Variants in TMTC2 observed in about 807,000 individuals in gnomAD.
TMTC2 encodes the protein transmembrane O-mannosyltransferase targeting cadherins 2.
A neutral mutation model predicts 82.4 loss-of-function variants in TMTC2; 43 were observed. The ratio of observed to expected loss-of-function variants is 0.52; its 90% CI spans 0.41 to 0.67. TMTC2 has a LOEUF of 0.67. Ranked by LOEUF, TMTC2 falls within the 30% of genes least tolerant of loss-of-function variation. The pLI is 0.00. For synonymous variants in TMTC2, 408 were observed against 381.9 expected, an observed-to-expected ratio of 1.07 and a Z score of -0.80; for missense variants, 919 against 1,012.4, an observed-to-expected ratio of 0.91 and a Z score of 1.25.
chr12:82,777,262 T>C (rs1194582466), intron 1 of TMTC2, among the ~76,000 whole-genome samples: 1 of 152,146 alleles, frequency 6.6e-6, no homozygotes, highest in Admixed American at 6.5e-5. Flanking sequence ...GGCATGAACT[T>C]GGACTCTTTT....
chr12:83,131,293 A>G (rs1193477089), intron 11 of TMTC2, among the ~76,000 whole-genome samples: 1 of 152,192 alleles, frequency 6.6e-6, no homozygotes. Flanking sequence ...AGCAAGCAAA[A>G]TATATTTTCC....
At chr12:83,018,512 T>C (rs1308903589) in intron 8 of TMTC2, among the ~76,000 whole-genome samples, 1 of 152,186 alleles carries the variant, frequency 6.6e-6, no homozygotes, top group African/African-American at 2.4e-5. Flanking sequence ...TAATAGCTAA[T>C]ATTTCAGGGT....
chr12:82,800,623 C>T (rs764348809), intron 1 of TMTC2, among the ~76,000 whole-genome samples: 10 of 152,232 alleles, frequency 6.6e-5, no homozygotes, highest in Non-Finnish European at 4.4e-5. Context: ...TAACATCCTC[C>T]CACCACCAAA....
intron 2 of TMTC2, among the ~76,000 whole-genome samples, chr12:82,886,111 T>G (rs1873086442): frequency 6.6e-6 from 1 of 152,218 alleles, no homozygotes; most frequent in African/African-American, 2.4e-5. Flanking sequence ...TTCTTCCAGC[T>G]TTGGCCATTG....
chr12:83,020,322 C>T (rs12320751), intron 8 of TMTC2, among the ~76,000 whole-genome samples: 11,749 of 152,192 alleles, frequency 0.077, 658 homozygotes, highest in East Asian at 0.29. Context: ...TCAATGAATA[C>T]ATTTAATGTA....
chr12:83,039,230 G>A (rs1455464724), intron 9 of TMTC2, among the ~76,000 whole-genome samples: 3 of 151,992 alleles, frequency 2.0e-5, no homozygotes, highest in African/African-American at 7.2e-5. Context: ...ACCACGCCTG[G>A]CCAAGAACAA....
rs114012959 is a variant in TMTC2 at position 83,080,550 on chromosome 12, A to G, written c.2331+18719A>G. 7.9e-3 allele frequency among the ~76,000 whole-genome samples: 1,207 copies of G among 152,292 alleles called. 17 individuals carry two copies. Among genetic ancestry groups the G allele is most frequent in the African/African-American group, 0.027 (1,127 of 41,550 alleles). On this transcript the variant is annotated intron_variant, in intron 11 of 11. Transcript: ENST00000321196. ...AACATTAAAAGTCTCCCCAGTTTTT[A>G]TAGATGGAGAAACAGGTAATGCAGT... is the stretch of plus-strand genomic sequence containing the variant.
intron 11 of TMTC2, among the ~76,000 whole-genome samples, chr12:83,121,986 G>T (rs976648739): frequency 6.6e-6 from 1 of 152,076 alleles, no homozygotes; most frequent in Admixed American, 6.5e-5. Context: ...TGAAGGGCCG[G>T]TCTGACTCCC....
At chr12:82,841,896 A>G (rs991444004) in intron 1 of TMTC2, among the ~76,000 whole-genome samples, 2 of 152,244 alleles carry the variant, frequency 1.3e-5, no homozygotes, top group African/African-American at 4.8e-5. Flanking sequence ...CCTTAGTGTT[A>G]AAAGAAGACT....
chr12:83,016,317 GC>G (rs1255765593), intron 8 of TMTC2, among the ~76,000 whole-genome samples: 3 of 152,126 alleles, frequency 2.0e-5, no homozygotes, highest in Non-Finnish European at 4.4e-5. Flanking sequence ...TGACTAGATA[GC>G]CCTTTGCTTT....
intron 4 of TMTC2, among the ~76,000 whole-genome samples, chr12:82,934,922 G>A (rs768275449): frequency 3.3e-5 from 5 of 152,014 alleles, no homozygotes; most frequent in East Asian, 1.9e-4. Context: ...TGTAACTGGC[G>A]TGAGATGGTA....
chr12:83,089,840 C>CA (rs1381824863), intron 11 of TMTC2, among the ~76,000 whole-genome samples: 4,945 of 139,692 alleles, frequency 0.035, 90 homozygotes, highest in Admixed American at 0.07. Flanking sequence ...AAACAAAAAA[C>CA]AAAAAACAAA....
chr12:82,952,580 C>T (rs1239381673), intron 4 of TMTC2, among the ~76,000 whole-genome samples: 1 of 152,080 alleles, frequency 6.6e-6, no homozygotes, highest in East Asian at 1.9e-4. Context: ...GAGTCTTGCT[C>T]TGTTGCCCAG....
intron 11 of TMTC2, among the ~76,000 whole-genome samples, chr12:83,088,945 A>G (rs995893713): frequency 1.3e-5 from 2 of 152,200 alleles, no homozygotes; most frequent in African/African-American, 2.4e-5. Context: ...GGATGCATGA[A>G]TCCACCCTCC....
intron 1 of TMTC2, among the ~76,000 whole-genome samples, chr12:82,847,905 C>T (rs1392501928): frequency 2.6e-5 from 4 of 151,984 alleles, no homozygotes; most frequent in Non-Finnish European, 4.4e-5. Context: ...TGTATCAAGC[C>T]TGCACGTTGT....
intron 1 of TMTC2, among the ~76,000 whole-genome samples, chr12:82,847,185 C>G (rs1592570632): frequency 1.3e-5 from 2 of 152,162 alleles, no homozygotes; most frequent in Admixed American, 6.5e-5. Flanking sequence ...AAGAGGTACT[C>G]TAATGAAGGG....
intron 4 of TMTC2, among the ~76,000 whole-genome samples, chr12:82,948,373 C>CAAA (rs5799599): frequency 0.15 from 12,321 of 81,232 alleles, 1,170 homozygotes; most frequent in East Asian, 0.42. Flanking sequence ...TTAATTTAAA[C>CAAA]AAAAAAAAAA....
At chr12:82,948,679 C>T (rs1877169005) in intron 4 of TMTC2, among the ~76,000 whole-genome samples, 1 of 152,174 alleles carries the variant, frequency 6.6e-6, no homozygotes, top group Non-Finnish European at 1.5e-5. Context: ...AAAACACCCA[C>T]TTTGTTGAAC....
intron 8 of TMTC2, among the ~76,000 whole-genome samples, chr12:83,003,872 G>A (rs969549336): frequency 2.5e-4 from 38 of 152,008 alleles, no homozygotes; most frequent in African/African-American, 9.2e-4. Flanking sequence ...TTATCTTGCA[G>A]GAATTCTCTG....
Sources: gnomAD v4.1 joint callset for allele counts (sites outside exome capture counted in the v4.1 genomes callset) on GRCh38, gnomAD v4.1.1 for gene constraint, MANE v1.5 for transcripts, NCBI Gene and HGNC (gene_info 2026-07-23, HGNC 2026-07-21) for gene names.